ABCA13: variants seen among roughly 807,000 people sequenced by gnomAD.
ABCA13 encodes ATP binding cassette subfamily A member 13, also known as ATP-binding cassette sub-family A member 13.
Under a neutral mutation model 478.7 loss-of-function variants are expected in ABCA13, and 476 were observed. The ratio of observed to expected loss-of-function variants is 0.99; its 90% CI spans 0.92 to 1.07. ABCA13 has a LOEUF of 1.07. Among genes scored for constraint, ABCA13 ranks in the 50% least tolerant of loss-of-function variants. The probability of loss-of-function intolerance (pLI) is 0.00; values close to 1 mark genes in which losing one functional copy is unlikely to be tolerated. For missense variants in ABCA13, 6,060 were observed against 5,910.6 expected, an observed-to-expected ratio of 1.03 and a Z score of -0.83; for synonymous variants, 2,252 against 2,158.9, an observed-to-expected ratio of 1.04 and a Z score of -1.20.
At position 48,638,098 on chromosome 7, in the gene ABCA13, T is replaced by C. The variant is rs549460237; in HGVS notation, c.14838-5190T>C. Among the ~76,000 whole-genome samples the C allele has an allele frequency of 1.1e-4, 17 of 152,226 alleles. No individual in the cohort carries two copies. In the South Asian group the frequency reaches 3.3e-3, roughly 30 times the overall value. On this transcript the variant is annotated intron_variant, in intron 59 of 61. Transcript: ENST00000435803. ...GGATGGAGGAAAGGAGATCTGGTTG[T>C]GGGTAGCATGAAGGATACTCTTAGA...
intron 55 of ABCA13, among the ~76,000 whole-genome samples, chr7:48,541,791 A>T (rs1833959467): frequency 6.6e-6 from 1 of 150,514 alleles, no homozygotes; most frequent in South Asian, 2.1e-4. Flanking sequence ...CTATATATAT[A>T]TTTTAAAAGG....
intron 44 of ABCA13, among the ~76,000 whole-genome samples, chr7:48,468,528 A>G (rs1295195541): frequency 4.6e-5 from 7 of 152,236 alleles, no homozygotes; most frequent in Non-Finnish European, 8.8e-5. Context: ...GATGCTGTGA[A>G]CACTTGTATT....
chr7:48,388,749 T>C (rs1815579836), intron 36 of ABCA13, among the ~76,000 whole-genome samples: 1 of 152,248 alleles, frequency 6.6e-6, no homozygotes, highest in Non-Finnish European at 1.5e-5. Context: ...CTAATCTGCC[T>C]GTTGTTTTTT....
At chr7:48,364,010 C>T (rs1015451410) in intron 31 of ABCA13, among the ~76,000 whole-genome samples, 1 of 152,060 alleles carries the variant, frequency 6.6e-6, no homozygotes, top group African/African-American at 2.4e-5. Flanking sequence ...TTATTTCTTG[C>T]CCAAATGTTG....
intron 23 of ABCA13, among the ~76,000 whole-genome samples, chr7:48,303,410 CATTCCT>C (rs910536277): frequency 1.3e-5 from 2 of 152,056 alleles, no homozygotes; most frequent in Non-Finnish European, 2.9e-5. Flanking sequence ...AGTCTTTGCC[CATTCCT>C]ATGTCCAGAA....
intron 29 of ABCA13, among the ~76,000 whole-genome samples, chr7:48,349,951 C>T (rs980909166): frequency 6.6e-6 from 1 of 152,190 alleles, no homozygotes; most frequent in Admixed American, 6.5e-5. Flanking sequence ...CTGGGCATTC[C>T]CACGCTGCCT....
At chr7:48,474,035 A>G (rs1563316873) in intron 45 of ABCA13, among the ~76,000 whole-genome samples, 1 of 152,116 alleles carries the variant, frequency 6.6e-6, no homozygotes, top group Non-Finnish European at 1.5e-5. Flanking sequence ...TGCAGTGATC[A>G]GTTATCTTTT....
At chr7:48,584,272 A>G (rs1055897860) in intron 56 of ABCA13, among the ~76,000 whole-genome samples, 1 of 152,214 alleles carries the variant, frequency 6.6e-6, no homozygotes, top group Non-Finnish European at 1.5e-5. Flanking sequence ...AATAACCAAA[A>G]CAATCATTAT....
rs140896217 is a variant in ABCA13 at position 48,485,580 on chromosome 7, G to A, written c.13182+2417G>A. On this transcript the variant is annotated intron_variant, in intron 47 of 61. Coordinates refer to ENST00000435803, the MANE Select transcript of ABCA13 (RefSeq NM_152701.5). The stretch of plus-strand genomic sequence containing the variant: ...ATCTATAAAACCTTTCTCAAGTAAA[G>A]GCCAGTTTATAAAGGAACCGATCAG... Among the ~76,000 whole-genome samples the A allele has an allele frequency of 3.9e-3, 598 of 152,262 alleles. 1 individual carries two copies. The highest frequency in any genetic ancestry group is 6.2e-3 in the Non-Finnish European group (424 of 67,988).
chr7:48,290,960 A>G (rs1037684661), intron 20 of ABCA13, among the ~76,000 whole-genome samples: 8 of 151,570 alleles, frequency 5.3e-5, no homozygotes, highest in Non-Finnish European at 7.4e-5. Context: ...AAAAAAAAAA[A>G]AAAAAAAAGA....
rs1011212053 is a variant in ABCA13, at chr7:48,646,047, A to G, written c.*535A>G. The G allele has an allele frequency of 2.0e-5, 3 of 152,444 alleles. No homozygotes were observed. Among genetic ancestry groups the G allele is most frequent in the African/African-American group, 7.2e-5 (3 of 41,468 alleles). The allele number at this position is 152,444 out of a possible 1,614,324, so 9.4% of individuals were successfully genotyped here. A position where few individuals can be genotyped will look rare whatever the true frequency, so the allele number is the denominator to read the frequency against. On this transcript the variant is annotated 3_prime_UTR_variant, in exon 62 of 62. Transcript: ENST00000435803. ...CTTTTATTAATACTGATGACATTATATGGTATGATATGAAAAAATCACCAA... is the reference window on the plus strand; with the variant it reads ...CTTTTATTAATACTGATGACATTATGTGGTATGATATGAAAAAATCACCAA...
chr7:48,534,527 G>A (rs1211907825), intron 55 of ABCA13, among the ~76,000 whole-genome samples: 1 of 151,972 alleles, frequency 6.6e-6, no homozygotes, highest in African/African-American at 2.4e-5. Flanking sequence ...TGTTCTTTGA[G>A]CTTCTTGTAT....
chr7:48,194,320 A>G (rs1323093116), intron 2 of ABCA13, among the ~76,000 whole-genome samples: 1 of 143,878 alleles, frequency 7.0e-6, no homozygotes, highest in Non-Finnish European at 1.5e-5. Flanking sequence ...AATGGAGATG[A>G]TGGTGGAGAT....
intron 8 of ABCA13, among the ~76,000 whole-genome samples, chr7:48,235,042 C>A (rs1374829580): frequency 6.6e-6 from 1 of 152,174 alleles, no homozygotes; most frequent in Non-Finnish European, 1.5e-5. Flanking sequence ...TATTTAGACT[C>A]TGGATCTGTG....
chr7:48,211,192 T>C (rs1785600473), intron 3 of ABCA13, among the ~76,000 whole-genome samples: 2 of 152,216 alleles, frequency 1.3e-5, no homozygotes, highest in Admixed American at 1.3e-4. Flanking sequence ...GGCTGAGCAT[T>C]GAAGAGTTAG....
At chr7:48,632,148 T>A (rs1388350604) in intron 59 of ABCA13, among the ~76,000 whole-genome samples, 2 of 152,224 alleles carry the variant, frequency 1.3e-5, no homozygotes, top group Non-Finnish European at 2.9e-5. Context: ...CTGATTTGAA[T>A]GCTCTTTACT....
At chr7:48,346,518 A>T (rs1302244770) in intron 29 of ABCA13, among the ~76,000 whole-genome samples, 1 of 151,820 alleles carries the variant, frequency 6.6e-6, no homozygotes, top group East Asian at 1.9e-4. Flanking sequence ...TTAAAAAAAA[A>T]AGCCCCCCAC....
chr7:48,338,508 C>T, intron 29 of ABCA13, 53 bp downstream of exon 29: 3 of 1,422,916 alleles, frequency 2.1e-6, no homozygotes, highest in Non-Finnish European at 2.9e-6. Context: ...GGCTCTGCCA[C>T]TTGGGTGGGT....
chr7:48,476,590 A>G (rs945044233), intron 45 of ABCA13, among the ~76,000 whole-genome samples: 4 of 152,102 alleles, frequency 2.6e-5, no homozygotes, highest in African/African-American at 9.7e-5. Context: ...TTCATCTTGA[A>G]TTATTGTTTC....
Sources: gnomAD v4.1 joint callset for allele counts (sites outside exome capture counted in the v4.1 genomes callset) on GRCh38, gnomAD v4.1.1 for gene constraint, MANE v1.5 for transcripts, NCBI Gene and HGNC (gene_info 2026-07-23, HGNC 2026-07-21) for gene names.